CPQ: variants seen among roughly 807,000 people sequenced by gnomAD.
CPQ encodes the protein Ser-Met dipeptidase.
A neutral mutation model predicts 45.7 loss-of-function variants in CPQ; 37 were observed. The ratio of observed to expected loss-of-function variants is 0.81; its 90% CI spans 0.62 to 1.07. CPQ has a LOEUF of 1.07. Ranked by LOEUF, CPQ falls within the 50% of genes least tolerant of loss-of-function variation. CPQ has a pLI of 0.00. For synonymous variants in CPQ, 186 were observed against 205.8 expected (o/e 0.90, Z 0.82); for missense variants, 537 against 572.9 (o/e 0.94, Z 0.64).
chr8:96,684,917 G>T (rs1231177225), intron 1 of CPQ, among the ~76,000 whole-genome samples: 2 of 151,798 alleles, frequency 1.3e-5, no homozygotes, highest in African/African-American at 4.9e-5. Context: ...GGTCAACATG[G>T]TAAAACTCCA....
At chr8:97,125,303 G>A (rs1811829451) in intron 7 of CPQ, among the ~76,000 whole-genome samples, 1 of 152,070 alleles carries the variant, frequency 6.6e-6, no homozygotes, top group Non-Finnish European at 1.5e-5. Context: ...AATTAATTCT[G>A]TGAACCATTT....
At chr8:96,677,562 G>T (rs1809092213) in intron 1 of CPQ, among the ~76,000 whole-genome samples, 1 of 151,950 alleles carries the variant, frequency 6.6e-6, no homozygotes. Context: ...TTTAGATTCT[G>T]TATATTAGTC....
At position 96,936,638 on chromosome 8, in the gene CPQ, A is replaced by G. The variant is rs148735433; in HGVS notation, c.850-29297A>G. On this transcript the variant is annotated intron_variant, in intron 4 of 7. Transcript: ENST00000220763. The stretch of plus-strand genomic sequence containing the variant: ...ACAATTAGTGGAAACATACAGAAAT[A>G]TCTAAATATCCCAAAGATATTGGGG... Among the ~76,000 whole-genome samples the G allele has an allele frequency of 6.4e-4, 97 of 152,342 alleles. No individual in the cohort carries two copies. The East Asian group carries it at 0.018, about 28-fold the overall frequency.
intron 5 of CPQ, among the ~76,000 whole-genome samples, chr8:97,025,479 T>C (rs1479694405): frequency 6.6e-6 from 1 of 152,240 alleles, no homozygotes; most frequent in East Asian, 1.9e-4. Context: ...ACCGACTGCC[T>C]CTCCTCTAAC....
At chr8:96,958,788 T>A (rs1262483084) in intron 4 of CPQ, among the ~76,000 whole-genome samples, 1 of 151,964 alleles carries the variant, frequency 6.6e-6, no homozygotes, top group Non-Finnish European at 1.5e-5. Flanking sequence ...TAAGAGGGGA[T>A]AGTCTGAGAG....
At chr8:97,142,642 C>T (rs994459758) in intron 7 of CPQ, among the ~76,000 whole-genome samples, 7 of 152,320 alleles carry the variant, frequency 4.6e-5, no homozygotes, top group Non-Finnish European at 7.3e-5. Context: ...GAAGGCAGTG[C>T]AGAGCTTGTT....
chr8:96,741,764 T>C (rs1382396303), intron 1 of CPQ, among the ~76,000 whole-genome samples: 1 of 151,866 alleles, frequency 6.6e-6, no homozygotes, highest in African/African-American at 2.4e-5. Flanking sequence ...GGTTGTTCAG[T>C]TTTCATGTAG....
chr8:97,066,488 A>G (rs111873893), intron 7 of CPQ, among the ~76,000 whole-genome samples: 42 of 152,270 alleles, frequency 2.8e-4, no homozygotes, highest in African/African-American at 9.6e-4. Flanking sequence ...CTAAAAATCC[A>G]TTGTTTTGTT....
At chr8:96,934,640 T>G (rs1813020386) in intron 4 of CPQ, among the ~76,000 whole-genome samples, 1 of 152,176 alleles carries the variant, frequency 6.6e-6, no homozygotes. Context: ...GTTTTTTGCC[T>G]GCACATTGCT....
chr8:96,842,120 T>C (rs965205258), intron 3 of CPQ, among the ~76,000 whole-genome samples: 1 of 152,022 alleles, frequency 6.6e-6, no homozygotes, highest in African/African-American at 2.4e-5. Context: ...TCTTAAGAGG[T>C]CTATTTTGGA....
chr8:97,121,587 C>T (rs538478369), intron 7 of CPQ, among the ~76,000 whole-genome samples: 1 of 152,094 alleles, frequency 6.6e-6, no homozygotes, highest in Admixed American at 6.6e-5. Flanking sequence ...GACAGACACT[C>T]AACATGTAAA....
In CPQ at chr8:96,730,866, C is replaced by CATATATATATATATATATAT. The variant is rs35247469; in HGVS notation, c.-34-53991_-34-53972dup. On this transcript the variant is annotated intron_variant, in intron 1 of 7. Transcript: ENST00000220763. ...GATCTAGATCAATTAACCATACATA[C>CATATATATATATATATATAT]ATATATATATATATATATATATATA... 3.4e-3 allele frequency among the ~76,000 whole-genome samples: 234 copies of CATATATATATATATATATAT among 68,558 alleles called. 3 individuals carry two copies. Among genetic ancestry groups the CATATATATATATATATATAT allele is most frequent in the Middle Eastern group, 0.01 (1 of 98 alleles). 45.0% of individuals were successfully genotyped at this position (68,558 alleles called of 152,430 possible).
chr8:96,673,194 C>A (rs1363215571), intron 1 of CPQ, among the ~76,000 whole-genome samples: 5 of 152,130 alleles, frequency 3.3e-5, no homozygotes, highest in Non-Finnish European at 7.3e-5. Context: ...TGAAAGAATG[C>A]AGCAACGGAA....
rs188756799 is a variant in CPQ, at chr8:96,777,345, C to G, written c.-34-7519C>G. 1.4e-4 allele frequency among the ~76,000 whole-genome samples: 21 copies of G among 151,776 alleles called. 1 individual carries two copies. The highest frequency in any genetic ancestry group is 4.4e-5 in the Non-Finnish European group (3 of 67,838). ...TTGTGAAGCTCCAACATTTATGGAG[C>G]AAAATGCCCTAGAGTGCTGCAACAG... On this transcript the variant is annotated intron_variant, in intron 1 of 7. Coordinates refer to ENST00000220763, the MANE Select transcript of CPQ (RefSeq NM_016134.4).
intron 4 of CPQ, among the ~76,000 whole-genome samples, chr8:96,906,123 T>A (rs1424200212): frequency 2.0e-5 from 3 of 152,104 alleles, no homozygotes; most frequent in Non-Finnish European, 4.4e-5. Flanking sequence ...GGGCTGTGCA[T>A]TTTACATGAG....
chr8:96,697,986 A>C (rs1032836279), intron 1 of CPQ, among the ~76,000 whole-genome samples: 6 of 152,174 alleles, frequency 3.9e-5, no homozygotes, highest in African/African-American at 1.4e-4. Context: ...CTTTCTTCAC[A>C]GAAATAGAAA....
At chr8:97,131,723 A>C (rs894546352) in intron 7 of CPQ, among the ~76,000 whole-genome samples, 1 of 152,166 alleles carries the variant, frequency 6.6e-6, no homozygotes, top group Non-Finnish European at 1.5e-5. Flanking sequence ...CTTAATCACT[A>C]TGAATTTCTA....
intron 4 of CPQ, among the ~76,000 whole-genome samples, chr8:96,883,571 G>A (rs1166912651): frequency 1.8e-4 from 28 of 152,290 alleles, no homozygotes; most frequent in Non-Finnish European, 1.3e-4. Context: ...GTAAAGTCAA[G>A]TCTGTGGTTG....
At chr8:97,136,179 C>CAA (rs146629263) in intron 7 of CPQ, among the ~76,000 whole-genome samples, 7 of 140,422 alleles carry the variant, frequency 5.0e-5, no homozygotes, top group African/African-American at 1.8e-4. Context: ...TGAGTGTTTA[C>CAA]AAAAAAAAAA....
Sources: allele counts gnomAD v4.1 joint callset (sites outside exome capture counted in the v4.1 genomes callset), GRCh38; gene constraint gnomAD v4.1.1; transcripts MANE v1.5; gene names NCBI Gene and HGNC (gene_info 2026-07-23, HGNC 2026-07-21).